The following PCSK6 variants were observed in gnomAD, a reference collection of about 807,000 sequenced individuals.
PCSK6 encodes proprotein convertase subtilisin/kexin type 6, also known as paired basic amino acid cleaving enzyme 4.
A neutral mutation model predicts 123.3 loss-of-function variants in PCSK6; 85 were observed. That is an observed-to-expected ratio of 0.69 (90% CI 0.58 to 0.83). The LOEUF is 0.83. Ranked by LOEUF, PCSK6 falls within the 40% of genes least tolerant of loss-of-function variation. PCSK6 has a pLI of 0.00. For synonymous variants in PCSK6, 508 were observed against 516.0 expected, an observed-to-expected ratio of 0.98 and a Z score of 0.21; for missense variants, 1,191 against 1,282.3, an observed-to-expected ratio of 0.93 and a Z score of 1.09.
intron 1 of PCSK6, among the ~76,000 whole-genome samples, chr15:101,476,803 A>G (rs2057742817): frequency 6.6e-6 from 1 of 152,194 alleles, no homozygotes; most frequent in African/African-American, 2.4e-5. Flanking sequence ...TTATAAATTT[A>G]TATGCAATGT....
Position 101,389,566 on chromosome 15 carries a change from TG to T in PCSK6, c.1210-3del. On this transcript the variant is annotated splice_region_variant and splice_polypyrimidine_tract_variant and intron_variant, in intron 8 of 21. Coordinates refer to ENST00000611716, the MANE Select transcript of PCSK6 (RefSeq NM_002570.5). ...GCGCTGACGCAGATCCGTGGTGACC[TG>T]GGGGAGAGAGAAGCACAGTGAGGCA... The T allele has an allele frequency of 6.2e-7, 1 of 1,608,102 alleles. No homozygotes were observed. The highest frequency in any genetic ancestry group is 1.1e-5 in the South Asian group (1 of 90,788).
chr15:101,357,742 T>C (rs533955574), intron 13 of PCSK6, among the ~76,000 whole-genome samples: 1 of 152,210 alleles, frequency 6.6e-6, no homozygotes, highest in Non-Finnish European at 1.5e-5. Flanking sequence ...GGGCACAGCA[T>C]AACCAGTGCC....
intron 2 of PCSK6, among the ~76,000 whole-genome samples, chr15:101,435,659 C>T (rs1340745493): frequency 2.6e-5 from 4 of 152,246 alleles, no homozygotes; most frequent in Non-Finnish European, 5.9e-5. Flanking sequence ...AAGGCTTCAT[C>T]GTCTTCTCAA....
rs758270078 is a variant in PCSK6, at chr15:101,313,451, C to G, written c.2624G>C (p.Trp875Ser). The G allele has an allele frequency of 1.6e-5, 25 of 1,611,978 alleles. No homozygotes were observed. The South Asian group carries it at 2.7e-4, about 18-fold the overall frequency. The stretch of plus-strand genomic sequence containing the variant: ...CTCACCACAGGCTGGCACACACTTC[C>G]AGTCGTGGAAGTGGAAGTTTTTCGC... ...HCAKNFHFHD[W>S]KCVPACGEGF... Residue 875 changes from tryptophan (W) to serine (S), a missense_variant, in exon 20 of 22, where the codon TGG becomes TCG. By Grantham distance (177) the Trp-to-Ser change is radical. Around this residue, in one of 3 missense-constraint regions of PCSK6, gnomAD observed 630 missense variants for 631.4 expected, o/e 1.00. Coordinates refer to ENST00000611716, the MANE Select transcript of PCSK6 (RefSeq NM_002570.5).
intron 1 of PCSK6, among the ~76,000 whole-genome samples, chr15:101,465,473 C>T (rs1042990522): frequency 3.3e-5 from 5 of 152,156 alleles, no homozygotes; most frequent in South Asian, 2.1e-4. Context: ...GCAGAGTGTG[C>T]GGACACACCC....
intron 9 of PCSK6, among the ~76,000 whole-genome samples, chr15:101,386,618 T>C (rs2042071446): frequency 6.6e-6 from 1 of 152,214 alleles, no homozygotes; most frequent in South Asian, 2.1e-4. Context: ...GGATTTGTCT[T>C]ATTTCCCTTA....
chr15:101,423,346 G>A (rs895885620), intron 6 of PCSK6, among the ~76,000 whole-genome samples: 2 of 149,056 alleles, frequency 1.3e-5, no homozygotes, highest in South Asian at 2.1e-4. Flanking sequence ...TGCAACCTCC[G>A]CCTCCCAGGT....
intron 6 of PCSK6, among the ~76,000 whole-genome samples, chr15:101,401,965 A>C (rs1214245874): frequency 6.6e-6 from 1 of 152,076 alleles, no homozygotes; most frequent in Non-Finnish European, 1.5e-5. Context: ...TTGCCAAGTC[A>C]ATCCTAAGCC....
chr15:101,309,860 T>G (rs1427219963), intron 20 of PCSK6, among the ~76,000 whole-genome samples: 2 of 152,074 alleles, frequency 1.3e-5, no homozygotes, highest in African/African-American at 2.4e-5. Context: ...GAACTTATCG[T>G]GCATTGTTCT....
At chr15:101,464,794 C>T (rs887384121) in intron 1 of PCSK6, among the ~76,000 whole-genome samples, 1 of 152,146 alleles carries the variant, frequency 6.6e-6, no homozygotes, top group African/African-American at 2.4e-5. Context: ...GGAGGGTCAG[C>T]GTCCTCCTAA....
intron 13 of PCSK6, among the ~76,000 whole-genome samples, chr15:101,354,371 A>G (rs1221120475): frequency 1.3e-5 from 2 of 152,210 alleles, no homozygotes; most frequent in Non-Finnish European, 2.9e-5. Context: ...ACACCCAAGC[A>G]CACACTCCCA....
intron 6 of PCSK6, among the ~76,000 whole-genome samples, chr15:101,425,939 G>C (rs886719061): frequency 3.3e-5 from 5 of 152,160 alleles, no homozygotes; most frequent in Non-Finnish European, 7.3e-5. Flanking sequence ...CTCTAAACCA[G>C]CGCTTCTCAC....
chr15:101,473,064 GT>G (rs2057644399), intron 1 of PCSK6, among the ~76,000 whole-genome samples: 1 of 152,046 alleles, frequency 6.6e-6, no homozygotes, highest in African/African-American at 2.4e-5. Flanking sequence ...ATTTGGATTG[GT>G]TTTTGTTTTG....
intron 1 of PCSK6, among the ~76,000 whole-genome samples, chr15:101,459,434 C>T (rs960954196): frequency 2.7e-5 from 4 of 148,748 alleles, no homozygotes; most frequent in African/African-American, 1.0e-4. Context: ...GTCTCCTCTC[C>T]CTAAGTCCAC....
rs2039708315 is a variant in PCSK6, at chr15:101,305,717, A to G, written c.2813-362T>C. 1 of 178,766 alleles carries G rather than the reference A, an allele frequency of 5.6e-6. No homozygotes were observed. The highest frequency in any genetic ancestry group is 1.2e-5 in the Non-Finnish European group (1 of 83,608). 11.1% of individuals were successfully genotyped at this position (178,766 alleles called of 1,614,324 possible). A position where few individuals can be genotyped will look rare whatever the true frequency, so the allele number is the denominator to read the frequency against. ...GAACAAAACTCCGTCTCAAAAATAA[A>G]TAAATAAATACATAAATAAATATTG... On this transcript the variant is annotated intron_variant, in intron 21 of 21. Transcript: ENST00000611716. The surrounding 1 kb of genome is among the most constrained non-coding windows in gnomAD (Gnocchi z 4.8).
At chr15:101,414,705 T>C (rs1454163967) in intron 6 of PCSK6, among the ~76,000 whole-genome samples, 1 of 152,076 alleles carries the variant, frequency 6.6e-6, no homozygotes, top group Non-Finnish European at 1.5e-5. Context: ...AAACTACATC[T>C]AACCAGCAAA....
chr15:101,476,250 A>C (rs1310643473), intron 1 of PCSK6, among the ~76,000 whole-genome samples: 1 of 152,246 alleles, frequency 6.6e-6, no homozygotes, highest in Non-Finnish European at 1.5e-5. Flanking sequence ...ATCACCATTT[A>C]TTATTATAAC....
At chr15:101,348,441 C>A (rs970881922) in intron 13 of PCSK6, among the ~76,000 whole-genome samples, 1 of 152,198 alleles carries the variant, frequency 6.6e-6, no homozygotes, top group Non-Finnish European at 1.5e-5. Flanking sequence ...TTGAAAAGAA[C>A]CTGCTTCCCT....
intron 9 of PCSK6, 96 bp downstream of exon 9, chr15:101,389,368 T>C: frequency 2.2e-6 from 2 of 914,962 alleles, no homozygotes; most frequent in Non-Finnish European, 3.6e-6. Context: ...GCCGCTGAGC[T>C]GTCCACTTCA....
Sources: gnomAD v4.1 joint callset for allele counts (sites outside exome capture counted in the v4.1 genomes callset) on GRCh38, gnomAD v4.1.1 for gene constraint, gnomAD v4.1.1 regional missense constraint, Gnocchi (gnomAD v3.1) non-coding constraint, MANE v1.5 for transcripts, NCBI Gene and HGNC (gene_info 2026-07-23, HGNC 2026-07-21) for gene names.